SYT7: variants seen among roughly 807,000 people sequenced by gnomAD.
The protein encoded by SYT7 is synaptotagmin 7, also known as synaptotagmin-7.
In SYT7, 29 loss-of-function variants were observed where a neutral mutation model predicts 75.1. That is an observed-to-expected ratio of 0.39 (90% CI 0.29 to 0.53). The LOEUF (loss-of-function observed/expected upper bound fraction) is 0.53, where lower values mean the gene tolerates loss of function less well. Ranked by LOEUF, SYT7 falls within the 20% of genes least tolerant of loss-of-function variation. The pLI is 0.77. For synonymous variants in SYT7, 376 were observed against 401.7 expected, an observed-to-expected ratio of 0.94 and a Z score of 0.76; for missense variants, 693 against 953.2, an observed-to-expected ratio of 0.73 and a Z score of 3.59.
At chr11:61,581,552 G>C (rs1162515192), upstream of SYT7, among the ~76,000 whole-genome samples, 3 of 152,342 alleles carry the variant, frequency 2.0e-5, no homozygotes, top group African/African-American at 7.2e-5. Flanking sequence ...ACACCGCGGC[G>C]GTCCGGGGCA....
rs2063333526 is a variant in SYT7 at position 61,551,046 on chromosome 11, TCC to T, written c.215+336_215+337del. On this transcript the variant is annotated intron_variant, in intron 3 of 12. Coordinates refer to ENST00000539008, the MANE Select transcript of SYT7 (RefSeq NM_001365809.2). The surrounding 1 kb of genome is among the most constrained non-coding windows in gnomAD (Gnocchi z 5.3). ...GGGCCCCATGAGAGGGGCTTGGAGG[TCC>T]AGGGAAGCCGGCGGGTGGTGGGCAC... is the stretch of plus-strand genomic sequence containing the variant. Among the ~76,000 whole-genome samples, 1 of 151,408 alleles carries T rather than the reference TCC, an allele frequency of 6.6e-6. No homozygotes were observed. Among genetic ancestry groups the T allele is most frequent in the South Asian group, 2.1e-4 (1 of 4,786 alleles).
intron 1 of SYT7, among the ~76,000 whole-genome samples, chr11:61,566,406 C>A (rs2063770512): frequency 6.6e-6 from 1 of 152,266 alleles, no homozygotes; most frequent in South Asian, 2.1e-4. Flanking sequence ...ATCTGTAGAC[C>A]CCAGAGAGCT....
the SYT7 span, among the ~76,000 whole-genome samples, chr11:61,587,200 G>A: frequency 6.6e-6 from 1 of 152,172 alleles, no homozygotes; most frequent in Non-Finnish European, 1.5e-5. Flanking sequence ...TAGTTAATGG[G>A]GGCCTCCCAG....
In SYT7 at chr11:61,515,160, C is replaced by T. The variant is rs113393571; in HGVS notation, c.*3467G>A. On this transcript the variant is annotated 3_prime_UTR_variant, in exon 13 of 13. Coordinates refer to ENST00000539008, the MANE Select transcript of SYT7 (RefSeq NM_001365809.2). ...AGAGATCTGAGGATGGCTGGACACT[C>T]GGGAAGGGCCTGGTCACCAGTGAAG... 2.3e-3 allele frequency among the ~76,000 whole-genome samples: 356 copies of T among 152,306 alleles called. No homozygotes were observed. The highest frequency in any genetic ancestry group is 8.3e-3 in the African/African-American group (344 of 41,566).
At chr11:61,528,675 G>A (rs2062606456) in intron 8 of SYT7, among the ~76,000 whole-genome samples, 1 of 152,186 alleles carries the variant, frequency 6.6e-6, no homozygotes, top group Non-Finnish European at 1.5e-5. Flanking sequence ...TCTTTGGAAA[G>A]TGACTCTCTA....
intron 1 of SYT7, among the ~76,000 whole-genome samples, chr11:61,556,772 A>G (rs2063511897): frequency 6.6e-6 from 1 of 152,182 alleles, no homozygotes; most frequent in Admixed American, 6.5e-5. Flanking sequence ...CCATATGTGT[A>G]GTCAAAGGAA....
At chr11:61,575,820 A>G (rs2135450563) in intron 1 of SYT7, among the ~76,000 whole-genome samples, 1 of 152,270 alleles carries the variant, frequency 6.6e-6, no homozygotes, top group East Asian at 1.9e-4. Flanking sequence ...CACAGATATT[A>G]TGGCCATCCA....
chr11:61,556,943 C>T lies in SYT7; in HGVS notation c.32-736G>A, dbSNP rs1383455498. On this transcript the variant is annotated intron_variant, in intron 1 of 12. Transcript: ENST00000539008. ...TTCCTAAATGCTCTCATCCCAAGTGCCGAGGTGCCATAAACTTCAGAAGTG... is the reference window on the plus strand; with the variant it reads ...TTCCTAAATGCTCTCATCCCAAGTGTCGAGGTGCCATAAACTTCAGAAGTG... Among the ~76,000 whole-genome samples, 3 of 151,884 alleles carry T rather than the reference C, an allele frequency of 2.0e-5. No homozygotes were observed. In the East Asian group the frequency reaches 5.8e-4, roughly 29 times the overall value.
At chr11:61,521,112 T>C (rs1170401445) in intron 12 of SYT7, among the ~76,000 whole-genome samples, 1 of 152,216 alleles carries the variant, frequency 6.6e-6, no homozygotes, top group Non-Finnish European at 1.5e-5. Flanking sequence ...TGCTCTGGGA[T>C]TGCCCCCATG....
intron 1 of SYT7, among the ~76,000 whole-genome samples, chr11:61,569,918 C>A (rs749686286): frequency 6.6e-6 from 1 of 152,200 alleles, no homozygotes; most frequent in Admixed American, 6.5e-5. Flanking sequence ...CAGGTGCGGG[C>A]GGGCATGATG....
chr11:61,572,072 G>C (rs1304696751), intron 1 of SYT7, among the ~76,000 whole-genome samples: 1 of 152,030 alleles, frequency 6.6e-6, no homozygotes, highest in South Asian at 2.1e-4. Context: ...CACTCCCTTC[G>C]CACCTCCCCA....
intron 5 of SYT7, among the ~76,000 whole-genome samples, chr11:61,545,630 G>A (rs2063162468): frequency 6.6e-6 from 1 of 152,252 alleles, no homozygotes. Flanking sequence ...GTCAGGCTGA[G>A]AGTGGGCCAG....
intron 1 of SYT7, among the ~76,000 whole-genome samples, chr11:61,570,551 G>T (rs2063895043): frequency 6.6e-6 from 1 of 152,140 alleles, no homozygotes; most frequent in African/African-American, 2.4e-5. Flanking sequence ...GGAGGGTTGG[G>T]TGACCTGGCC....
chr11:61,578,752 A>C (rs2064154150), intron 1 of SYT7, among the ~76,000 whole-genome samples: 1 of 152,140 alleles, frequency 6.6e-6, no homozygotes, highest in Non-Finnish European at 1.5e-5. Flanking sequence ...TCTCCAGCCT[A>C]TGTCTGACCC....
At chr11:61,533,458 C>A in intron 7 of SYT7, 1 of 985,398 alleles carries the variant, frequency 1.0e-6, no homozygotes, top group Non-Finnish European at 1.2e-6. Flanking sequence ...GTGGCCACTG[C>A]CCCCAGTCCT....
intron 7 of SYT7, among the ~76,000 whole-genome samples, chr11:61,535,443 G>C (rs1292700450): frequency 6.6e-6 from 1 of 152,244 alleles, no homozygotes; most frequent in Non-Finnish European, 1.5e-5. Flanking sequence ...CCAAAGAGCA[G>C]TGGTGAAACG....
intron 1 of SYT7, among the ~76,000 whole-genome samples, chr11:61,574,509 T>C (rs1199521119): frequency 6.6e-6 from 1 of 152,118 alleles, no homozygotes; most frequent in Non-Finnish European, 1.5e-5. Flanking sequence ...ACAGGATGTG[T>C]TTGGTGACCT....
upstream of SYT7, chr11:61,581,279 C>A (rs2064265928): frequency 6.8e-6 from 1 of 148,118 alleles, no homozygotes. Context: ...GCACGGCCGC[C>A]GCCCCGCGCC....
At chr11:61,556,291 C>A in intron 1 of SYT7, 84 bp from the exon 2 acceptor site, 1 of 1,127,368 alleles carries the variant, frequency 8.9e-7, no homozygotes, top group Non-Finnish European at 1.3e-6. Flanking sequence ...GAACCACCAC[C>A]CTACCCTCCA....
Sources: allele counts gnomAD v4.1 joint callset (sites outside exome capture counted in the v4.1 genomes callset), GRCh38; gene constraint gnomAD v4.1.1; non-coding constraint Gnocchi (gnomAD v3.1); transcripts MANE v1.5; gene names NCBI Gene and HGNC (gene_info 2026-07-23, HGNC 2026-07-21).